The following MYO7A variants were observed in gnomAD, a reference collection of about 807,000 sequenced individuals.
The protein encoded by MYO7A is myosin VIIA, also known as unconventional myosin-VIIa.
A neutral mutation model predicts 263.8 loss-of-function variants in MYO7A; 210 were observed. The observed-to-expected ratio is 0.80, with a 90% CI of 0.71 to 0.89. The LOEUF (loss-of-function observed/expected upper bound fraction) is 0.89, where lower values mean the gene tolerates loss of function less well. MYO7A is among the 40% of genes least tolerant of loss of function. The pLI, the probability that MYO7A is intolerant of heterozygous loss-of-function variation, is 0.00. For missense variants in MYO7A, 2,820 were observed against 2,968.3 expected, an observed-to-expected ratio of 0.95 and a Z score of 1.16; for synonymous variants, 1,239 against 1,197.3, an observed-to-expected ratio of 1.03 and a Z score of -0.72.
rs530027522 is a variant in MYO7A, at chr11:77,160,267, C to T, written c.1185C>T (p.Arg395=). ...PLSREQALDV[R]DAFVKGIYGR... ...GCAGGGAACAGGCACTGGACGTGCG[C>T]GACGCCTTCGTAAAGGTGGGCTGGA... is the stretch of plus-strand genomic sequence containing the variant. Residue 395 remains arginine, a synonymous_variant, in exon 11 of 49, where the codon CGC becomes CGT. Coordinates refer to ENST00000409709, the MANE Select transcript of MYO7A (RefSeq NM_000260.4). 1.2e-5 allele frequency: 19 copies of T among 1,565,916 alleles called. No homozygotes were observed. Among genetic ancestry groups the T allele is most frequent in the African/African-American group, 6.8e-5 (5 of 73,610 alleles).
chr11:77,192,293 A>G lies in MYO7A; in HGVS notation c.4152+15A>G, dbSNP rs1033447071. The stretch of plus-strand genomic sequence containing the variant: ...GGTGTGAGAAGGTGAGTGGGAGGGA[A>G]TCTTCCGCCAGGCTGGCTTGGCTCA... On this transcript the variant is annotated intron_variant, in intron 31 of 48. Coordinates refer to ENST00000409709, the MANE Select transcript of MYO7A (RefSeq NM_000260.4). The G allele has an allele frequency of 4.3e-6, 7 of 1,610,974 alleles. No homozygotes were observed. The highest frequency in any genetic ancestry group is 2.2e-5 in the East Asian group (1 of 44,840).
Position 77,182,524 on chromosome 11 carries a change from T to A in MYO7A, c.3209T>A (p.Val1070Glu). Reference protein sequence around the residue: ...AMSDGSEKIPVMTKIYETLGK... With the variant: ...AMSDGSEKIPEMTKIYETLGK... ...AGTGATGGCAGTGAGAAGATCCCTG[T>A]GATGACCAAGATTTATGAGACCCTG... The change falls in exon 25 of 49, where the codon GTG becomes GAG. Residue 1070 changes from valine (V) to glutamate (E), a missense_variant. Coordinates refer to ENST00000409709, the MANE Select transcript of MYO7A (RefSeq NM_000260.4). The A allele has an allele frequency of 1.2e-6, 2 of 1,613,230 alleles. No homozygotes were observed. Among genetic ancestry groups the A allele is most frequent in the South Asian group, 2.2e-5 (2 of 91,084 alleles).
rs1325376314 is a variant in MYO7A, at chr11:77,211,380, G to A, written c.6237+43G>A. On this transcript the variant is annotated intron_variant, in intron 45 of 48. Coordinates refer to ENST00000409709, the MANE Select transcript of MYO7A (RefSeq NM_000260.4). ...ATCGGGAATGGTGGGGCCCTGAATGGGCCTCGGGGCACCCCAGGGGCCAAG... is the reference window on the plus strand; with the variant it reads ...ATCGGGAATGGTGGGGCCCTGAATGAGCCTCGGGGCACCCCAGGGGCCAAG... The A allele has an allele frequency of 2.0e-6, 3 of 1,536,248 alleles. No homozygotes were observed. In the Admixed American group the frequency reaches 5.9e-5, roughly 30 times the overall value.
chr11:77,130,705 C>T (rs1950742675), intron 2 of MYO7A, 53 bp downstream of exon 2: 1 of 1,595,116 alleles, frequency 6.3e-7, no homozygotes. Context: ...CATATCCCCT[C>T]ATCCATATGC....
Position 77,194,680 on chromosome 11 carries a change from C to T in MYO7A, c.4323+156C>T, listed in dbSNP as rs948958. 0.58 allele frequency among the ~76,000 whole-genome samples: 88,270 copies of T among 151,968 alleles called. 26,130 individuals carry two copies. The highest frequency in any genetic ancestry group is 0.68 in the African/African-American group (28,116 of 41,436). The stretch of plus-strand genomic sequence containing the variant: ...ATTGGACATCAGCTCACTCATTCTC[C>T]TTCCATCTGTGTGCCAGGCACACAG... On this transcript the variant is annotated intron_variant, in intron 32 of 48. Transcript: ENST00000409709.
chr11:77,155,549 C>G (rs1555060840), intron 4 of MYO7A, among the ~76,000 whole-genome samples: 2 of 152,228 alleles, frequency 1.3e-5, no homozygotes, highest in African/African-American at 4.8e-5. Context: ...TGGTGGGAGA[C>G]AGCATTTGCA....
intron 45 of MYO7A, among the ~76,000 whole-genome samples, 192 bp from the exon 46 acceptor site, chr11:77,211,629 G>A (rs951914910): frequency 3.3e-5 from 5 of 152,212 alleles, no homozygotes; most frequent in African/African-American, 1.2e-4. Flanking sequence ...GAGGTCGGGA[G>A]TCCATTAGCT....
At chr11:77,192,356 CTG>C (rs1956158391) in intron 31 of MYO7A, 78 bp downstream of exon 31, 1 of 1,429,042 alleles carries the variant, frequency 7.0e-7, no homozygotes, top group Admixed American at 1.7e-5. Flanking sequence ...GAGTGCTCCT[CTG>C]TGAGCCATCA....
intron 33 of MYO7A, among the ~76,000 whole-genome samples, 186 bp from the exon 34 acceptor site, chr11:77,198,309 T>A (rs1274267842): frequency 2.0e-5 from 3 of 152,252 alleles, no homozygotes; most frequent in Non-Finnish European, 4.4e-5. Flanking sequence ...AATTTCCCAA[T>A]TGAACACTCT....
chr11:77,203,208 G>A lies in MYO7A; in HGVS notation c.5317G>A (p.Ala1773Thr). The A allele has an allele frequency of 6.4e-7, 1 of 1,553,388 alleles. No individual in the cohort carries two copies. Among genetic ancestry groups the A allele is most frequent in the South Asian group, 1.2e-5 (1 of 84,234 alleles). The change falls in exon 38 of 49, where the codon GCC becomes ACC. Residue 1773 changes from alanine to threonine, a missense_variant. Ala to Thr is a moderately conservative substitution (Grantham distance 58, BLOSUM62 0). Transcript: ENST00000409709. ...GGAGCTCTCGCAGGAGGCCTGCCTG[G>A]CCTTCATTGATATCCGTGCCACTGG... is the stretch of plus-strand genomic sequence containing the variant. ...SEELSQEACL[A>T]FIAVLKYMGD...
chr11:77,158,500 T>G, intron 9 of MYO7A, 70 bp downstream of exon 9: 1 of 1,520,352 alleles, frequency 6.6e-7, no homozygotes, highest in Non-Finnish European at 8.9e-7. Context: ...GCTGCCCACG[T>G]GGTATTGGCA....
chr11:77,171,018 G>C (rs1227918314), intron 15 of MYO7A, among the ~76,000 whole-genome samples: 2 of 152,238 alleles, frequency 1.3e-5, no homozygotes, highest in Non-Finnish European at 2.9e-5. Context: ...AGATCAAAGT[G>C]TTGACTGTTA....
chr11:77,138,247 G>A lies in MYO7A; in HGVS notation c.19-4462G>A, dbSNP rs1331221760. Reference sequence around the variant, plus strand: ...CCCGGTTTAGGGTTCCGGGGCGGGCGGCGCGCACGGGATTAGGTGAATTAG... The same window carrying A: ...CCCGGTTTAGGGTTCCGGGGCGGGCAGCGCGCACGGGATTAGGTGAATTAG... On this transcript the variant is annotated intron_variant, in intron 2 of 48. Transcript: ENST00000409709. This position sits in a 1 kb window ranked among gnomAD's most constrained non-coding sequence, Gnocchi z 4.9. Among the ~76,000 whole-genome samples, 1 of 151,586 alleles carries A rather than the reference G, an allele frequency of 6.6e-6. No individual in the cohort carries two copies. The highest frequency in any genetic ancestry group is 1.5e-5 in the Non-Finnish European group (1 of 67,938).
rs2276286 is a variant in MYO7A, at chr11:77,190,228, C to T, written c.3750+89C>T. The T allele has an allele frequency of 0.55, 679,708 of 1,231,032 alleles. 192,299 individuals are homozygous for T. Among genetic ancestry groups the T allele is most frequent in the African/African-American group, 0.81 (51,960 of 64,370 alleles). 76.3% of individuals were successfully genotyped at this position (1,231,032 alleles called of 1,614,324 possible). ...TGTGTGTCCAGTGCACTCGAGTGCC[C>T]CAGAAACATTCCCTGCTTTGAGATT... On this transcript the variant is annotated intron_variant, in intron 29 of 48. Coordinates refer to ENST00000409709, the MANE Select transcript of MYO7A (RefSeq NM_000260.4).
intron 17 of MYO7A, 75 bp from the exon 18 acceptor site, chr11:77,175,297 A>C: frequency 7.3e-7 from 1 of 1,369,442 alleles, no homozygotes; most frequent in Non-Finnish European, 1.0e-6. Context: ...CCTGCCTCTC[A>C]GCCTCGGGGA....
chr11:77,147,933 C>G lies in MYO7A; in HGVS notation c.268C>G (p.Arg90Gly). ...CTTGCGCAACCTGCTTATCCGCTAC[C>G]GGGACCACCTCATCTACGTGAGTGC... ...GILRNLLIRY[R>G]DHLIYTYTGS... Residue 90 changes from arginine to glycine, a missense_variant, in exon 4 of 49, where the codon CGG becomes GGG. Physicochemically the swap from Arg to Gly is moderately radical, Grantham distance 125 (BLOSUM62 -2). Coordinates refer to ENST00000409709, the MANE Select transcript of MYO7A (RefSeq NM_000260.4). 6.4e-7 allele frequency: 1 copy of G among 1,556,506 alleles called. No homozygotes were observed. Among genetic ancestry groups the G allele is most frequent in the Non-Finnish European group, 8.7e-7 (1 of 1,151,028 alleles).
chr11:77,166,737 C>G (rs1466540245), intron 15 of MYO7A, among the ~76,000 whole-genome samples: 1 of 152,188 alleles, frequency 6.6e-6, no homozygotes, highest in Non-Finnish European at 1.5e-5. Flanking sequence ...GAAGACAGTC[C>G]TTGCCCCTTC....
At chr11:77,199,907 C>T (rs1956944243) in intron 35 of MYO7A, 89 bp downstream of exon 35, 2 of 1,251,296 alleles carry the variant, frequency 1.6e-6, no homozygotes, top group African/African-American at 1.5e-5. Flanking sequence ...TATAATGGAA[C>T]ACTGGAGGCT....
rs776881443 is a variant in MYO7A at position 77,214,674 on chromosome 11, G to A, written c.6626G>A (p.Arg2209Gln). 24 of 1,583,216 alleles carry A rather than the reference G, an allele frequency of 1.5e-5. No homozygotes were observed. The highest frequency in any genetic ancestry group is 9.1e-5 in the Admixed American group (5 of 55,208). The change falls in exon 49 of 49, where the codon CGG becomes CAG. Residue 2209 changes from arginine to glutamine, a missense_variant. Transcript: ENST00000409709. ...ATGCTCACAGCCATGAGCAAACAGC[G>A]GGGCTCCAGGAGCGGCAAGTGAACA... ...SQMLTAMSKQRGSRSGK is the reference protein window; with the variant it reads ...SQMLTAMSKQQGSRSGK
Sources: allele counts gnomAD v4.1 joint callset (sites outside exome capture counted in the v4.1 genomes callset), GRCh38; gene constraint gnomAD v4.1.1; non-coding constraint Gnocchi (gnomAD v3.1); transcripts MANE v1.5; gene names NCBI Gene and HGNC (gene_info 2026-07-23, HGNC 2026-07-21).